DGKB: variants seen among roughly 807,000 people sequenced by gnomAD.
The protein encoded by DGKB is 90 kDa diacylglycerol kinase.
In DGKB, 67 loss-of-function variants were observed where a neutral mutation model predicts 114.3. The ratio of observed to expected loss-of-function variants is 0.59; its 90% CI spans 0.48 to 0.72. The LOEUF (loss-of-function observed/expected upper bound fraction) is 0.72. Among genes scored for constraint, DGKB ranks in the 30% least tolerant of loss-of-function variants. DGKB has a pLI of 0.00. For missense variants in DGKB, 907 were observed against 975.2 expected (o/e 0.93, Z 0.93); for synonymous variants, 398 against 323.1 (o/e 1.23, Z -2.49).
At chr7:14,583,746 G>A (rs573415625) in intron 17 of DGKB, among the ~76,000 whole-genome samples, 2 of 152,196 alleles carry the variant, frequency 1.3e-5, no homozygotes, top group Admixed American at 6.5e-5. Context: ...CTAATTGCTG[G>A]GTCAGCTGCC....
chr7:14,735,528 T>C (rs111476956), intron 5 of DGKB, among the ~76,000 whole-genome samples: 1 of 152,206 alleles, frequency 6.6e-6, no homozygotes, highest in Admixed American at 6.5e-5. Context: ...TTAATGTAAG[T>C]ATGCATCTCT....
chr7:14,167,533 T>C (rs1379443999), intron 25 of DGKB, among the ~76,000 whole-genome samples: 17 of 152,230 alleles, frequency 1.1e-4, no homozygotes, highest in Non-Finnish European at 2.2e-4. Flanking sequence ...AGGAGGTGGC[T>C]TGAGAAAGCT....
chr7:14,501,410 C>CA (rs1323431243), intron 20 of DGKB, among the ~76,000 whole-genome samples: 1 of 151,780 alleles, frequency 6.6e-6, no homozygotes, highest in African/African-American at 2.4e-5. Flanking sequence ...AAGAAACATA[C>CA]AAAGTTTTTA....
intron 21 of DGKB, 52 bp from the exon 22 acceptor site, chr7:14,345,443 T>G (rs938163398): frequency 1.0e-6 from 1 of 961,634 alleles, no homozygotes; most frequent in African/African-American, 1.7e-5. Flanking sequence ...AACAGAGGGA[T>G]CTTTTAAAAA....
intron 2 of DGKB, among the ~76,000 whole-genome samples, chr7:14,820,062 C>CA (rs1241535564): frequency 6.6e-6 from 1 of 152,030 alleles, no homozygotes; most frequent in Non-Finnish European, 1.5e-5. Flanking sequence ...GTAGAAATTA[C>CA]AATTTTTTTA....
At chr7:14,451,645 C>T (rs1831524281) in intron 21 of DGKB, among the ~76,000 whole-genome samples, 1 of 151,676 alleles carries the variant, frequency 6.6e-6, no homozygotes, top group Non-Finnish European at 1.5e-5. Flanking sequence ...AGAAACTGTG[C>T]TATGCCCTTT....
chr7:14,859,483 T>C (rs927024226), intron 1 of DGKB, among the ~76,000 whole-genome samples: 10 of 152,030 alleles, frequency 6.6e-5, no homozygotes, highest in African/African-American at 2.2e-4. Flanking sequence ...AGAGCTCAAG[T>C]ACAGGGGAAC....
intron 21 of DGKB, among the ~76,000 whole-genome samples, chr7:14,452,524 C>G (rs1302634757): frequency 6.6e-6 from 1 of 151,978 alleles, no homozygotes; most frequent in East Asian, 1.9e-4. Context: ...ATTTGGATAA[C>G]TACTCCTGGC....
At chr7:14,267,925 C>G (rs1161008787) in intron 23 of DGKB, among the ~76,000 whole-genome samples, 2 of 152,068 alleles carry the variant, frequency 1.3e-5, no homozygotes, top group African/African-American at 4.8e-5. Flanking sequence ...TAGAACAATT[C>G]TACTAACTAG....
rs1173064442 is a variant in DGKB, at chr7:14,865,220, ATC to A, written c.-187-23772_-187-23771del. Among the ~76,000 whole-genome samples, 24 of 152,310 alleles carry A rather than the reference ATC, an allele frequency of 1.6e-4. 1 individual carries two copies. Among genetic ancestry groups the A allele is most frequent in the Middle Eastern group, 3.4e-3 (1 of 294 alleles). On this transcript the variant is annotated intron_variant, in intron 1 of 25. Transcript: ENST00000402815. ...AATAAAAATTATGTTGCATTTCTCT[ATC>A]TGTGAATCCCAGTTCTTGCTTATTT...
chr7:14,359,862 G>C (rs755680411), intron 21 of DGKB, among the ~76,000 whole-genome samples: 1 of 152,160 alleles, frequency 6.6e-6, no homozygotes, highest in African/African-American at 2.4e-5. Context: ...TTACACTGGT[G>C]GTGGGAGTGT....
chr7:14,896,788 AAAGT>A lies in DGKB; in HGVS notation c.-188+5800_-188+5803del, dbSNP rs1336802942. ...TTACATCCAGACAGTTTGAACGCAGAAAGTAAGTTTCAAGTCCTATATCATCAAA... is the reference window on the plus strand; with the variant it reads ...TTACATCCAGACAGTTTGAACGCAGAAAGTTTCAAGTCCTATATCATCAAA... On this transcript the variant is annotated intron_variant, in intron 1 of 25. Coordinates refer to ENST00000402815, the MANE Select transcript of DGKB (RefSeq NM_001350709.2). 4.6e-5 allele frequency among the ~76,000 whole-genome samples: 7 copies of A among 151,930 alleles called. No individual in the cohort carries two copies. The South Asian group carries it at 1.5e-3, about 32-fold the overall frequency.
rs532315420 is a variant in DGKB, at chr7:14,459,421, G to C, written c.1835+18740C>G. Among the ~76,000 whole-genome samples the C allele has an allele frequency of 3.3e-5, 5 of 152,240 alleles. No individual in the cohort carries two copies. The East Asian group carries it at 9.7e-4, about 30-fold the overall frequency. On this transcript the variant is annotated intron_variant, in intron 21 of 25. Transcript: ENST00000402815. ...AGAAGAACATAAATGACCTGATGGA[G>C]CTGAAAAACACAGCACAAGAACTTC... is the stretch of plus-strand genomic sequence containing the variant.
At chr7:14,193,318 C>A (rs1328711465) in intron 23 of DGKB, among the ~76,000 whole-genome samples, 2 of 151,982 alleles carry the variant, frequency 1.3e-5, no homozygotes, top group African/African-American at 2.4e-5. Flanking sequence ...ATATAGTAAC[C>A]AAAACAACAT....
intron 15 of DGKB, chr7:14,621,111 C>A: frequency 9.3e-6 from 3 of 324,028 alleles, no homozygotes; most frequent in East Asian, 7.4e-5. Flanking sequence ...GTATATTTAG[C>A]AATAATTTTC....
intron 20 of DGKB, among the ~76,000 whole-genome samples, chr7:14,565,975 C>G (rs967707833): frequency 1.3e-5 from 2 of 152,066 alleles, no homozygotes; most frequent in South Asian, 4.1e-4. Flanking sequence ...TCTAGCAAAT[C>G]TGCACATTTT....
intron 23 of DGKB, among the ~76,000 whole-genome samples, chr7:14,198,344 T>G (rs1261128748): frequency 6.6e-6 from 1 of 152,062 alleles, no homozygotes; most frequent in African/African-American, 2.4e-5. Flanking sequence ...AAAGCTAACA[T>G]GTTAGCCTGC....
intron 23 of DGKB, among the ~76,000 whole-genome samples, chr7:14,229,654 G>C (rs1250777366): frequency 2.0e-5 from 3 of 151,896 alleles, no homozygotes; most frequent in Non-Finnish European, 2.9e-5. Flanking sequence ...GCTATCTGGG[G>C]AGAAAATTAC....
At chr7:14,246,802 T>TTG (rs367636225) in intron 23 of DGKB, among the ~76,000 whole-genome samples, 19 of 151,886 alleles carry the variant, frequency 1.3e-4, no homozygotes, top group East Asian at 7.7e-4. Context: ...TTGTTACCTT[T>TTG]TGTGTGTGTG....
Sources: allele counts gnomAD v4.1 joint callset (sites outside exome capture counted in the v4.1 genomes callset), GRCh38; gene constraint gnomAD v4.1.1; transcripts MANE v1.5; gene names NCBI Gene and HGNC (gene_info 2026-07-23, HGNC 2026-07-21).